Variants in POU2F2 observed in about 807,000 individuals in gnomAD.
POU2F2 encodes the protein POU domain, class 2, transcription factor 2.
POU2F2 carries 14 observed loss-of-function variants against 63.5 expected under a neutral mutation model. The ratio of observed to expected loss-of-function variants is 0.22; its 90% CI spans 0.15 to 0.34. The LOEUF is 0.34. POU2F2 is among the 10% of genes least tolerant of loss of function. POU2F2 has a pLI of 1.00. For missense variants in POU2F2, 607 were observed against 815.2 expected, an observed-to-expected ratio of 0.74 and a Z score of 3.11; for synonymous variants, 306 against 348.6, an observed-to-expected ratio of 0.88 and a Z score of 1.36.
intron 5 of POU2F2, chr19:42,116,768 T>A (rs1417466684): frequency 2.8e-5 from 10 of 356,270 alleles, no homozygotes; most frequent in South Asian, 2.0e-4. Context: ...GGGGGCTGGC[T>A]GGCAGGCTGT....
intron 14 of POU2F2, 98 bp from the exon 15 acceptor site, chr19:42,091,689 C>A: frequency 6.4e-7 from 1 of 1,551,360 alleles, no homozygotes. Context: ...ATCTCCCCAT[C>A]GGTCCCACTG....
chr19:42,164,967 AAGAC>A (rs2034622052), intron 1 of POU2F2, among the ~76,000 whole-genome samples: 1 of 152,088 alleles, frequency 6.6e-6, no homozygotes, highest in Non-Finnish European at 1.5e-5. Flanking sequence ...AAAAAAAAAA[AAGAC>A]AGATAGCAAA....
At chr19:42,100,177 C>T (rs961486653) in intron 5 of POU2F2, among the ~76,000 whole-genome samples, 3 of 143,558 alleles carry the variant, frequency 2.1e-5, no homozygotes, top group Non-Finnish European at 3.0e-5. Context: ...CTGAAATCTC[C>T]GCCTCCTGGG....
chr19:42,094,108 C>A (rs2076833956), intron 11 of POU2F2, among the ~76,000 whole-genome samples: 1 of 152,240 alleles, frequency 6.6e-6, no homozygotes, highest in Non-Finnish European at 1.5e-5. Flanking sequence ...AGAACACTCC[C>A]CACCTCTCTT....
In POU2F2 at chr19:42,122,504, C is replaced by T; in HGVS notation, c.94+7G>A. 2 of 1,611,180 alleles carry T rather than the reference C, an allele frequency of 1.2e-6. No homozygotes were observed. Among genetic ancestry groups the T allele is most frequent in the Non-Finnish European group, 1.7e-6 (2 of 1,178,314 alleles). On this transcript the variant is annotated splice_region_variant and intron_variant, in intron 2 of 14. Transcript: ENST00000692977. ...GACCCCTGCCCCCCTGCTCCCTGCC[C>T]ACCCACCTGTGTGCTCTGATGGGGA...
At chr19:42,179,102 G>A (rs928472061), upstream of POU2F2, among the ~76,000 whole-genome samples, 1 of 152,106 alleles carries the variant, frequency 6.6e-6, no homozygotes, top group African/African-American at 2.4e-5. Flanking sequence ...GCTGGGGATG[G>A]GGGGCAGAGA....
intron 1 of POU2F2, among the ~76,000 whole-genome samples, chr19:42,182,045 C>T (rs1333008802): frequency 2.0e-5 from 3 of 151,676 alleles, no homozygotes; most frequent in South Asian, 2.1e-4. Flanking sequence ...ATAAGGGAAA[C>T]GAAGGCACAC....
At chr19:42,186,840 G>A (rs531317693) in intron 1 of POU2F2, among the ~76,000 whole-genome samples, 46 of 152,092 alleles carry the variant, frequency 3.0e-4, no homozygotes, top group African/African-American at 9.9e-4. Flanking sequence ...TTGGATGCCC[G>A]GATGGATGGA....
intron 1 of POU2F2, among the ~76,000 whole-genome samples, chr19:42,194,589 C>T (rs191553215): frequency 1.0e-3 from 152 of 151,038 alleles, no homozygotes; most frequent in Non-Finnish European, 1.1e-3. Context: ...TGAAACCCCA[C>T]CTCTACTAAA....
rs568122664 is a variant in POU2F2, at chr19:42,087,936, C to T, written c.*3321G>A. ...ATGAGATAGTTTTGTTTCCCGGAGT[C>T]GAGACGGGGGACCAGAGTGTAAGGG... On this transcript the variant is annotated 3_prime_UTR_variant, in exon 15 of 15. Coordinates refer to ENST00000692977, the MANE Select transcript of POU2F2 (RefSeq NM_001394376.1). 6 of 152,254 alleles carry T rather than the reference C, an allele frequency of 3.9e-5. No individual in the cohort carries two copies. The highest frequency in any genetic ancestry group is 1.2e-4 in the African/African-American group (5 of 41,502). 9.4% of individuals were successfully genotyped at this position (152,254 alleles called of 1,614,324 possible).
chr19:42,183,928 T>G (rs1599728665), intron 1 of POU2F2, among the ~76,000 whole-genome samples: 1 of 151,384 alleles, frequency 6.6e-6, no homozygotes. Context: ...CGAAGTACCA[T>G]GTTGAATAAA....
chr19:42,098,424 A>C (rs996256850), intron 7 of POU2F2, among the ~76,000 whole-genome samples: 9 of 151,994 alleles, frequency 5.9e-5, no homozygotes, highest in South Asian at 2.1e-4. Flanking sequence ...AAAAAAAAAA[A>C]AAAAACAAAA....
rs561212017 is a variant in POU2F2 at position 42,091,085 on chromosome 19, G to C, written c.*172C>G. Reference sequence around the variant, plus strand: ...TTTTGGTTTTCTCTTTTGTTGGTTAGTTTCTTTCCTTTTTTTTTTTTTTTT... The same window carrying C: ...TTTTGGTTTTCTCTTTTGTTGGTTACTTTCTTTCCTTTTTTTTTTTTTTTT... On this transcript the variant is annotated 3_prime_UTR_variant, in exon 15 of 15. Coordinates refer to ENST00000692977, the MANE Select transcript of POU2F2 (RefSeq NM_001394376.1). 5.9e-5 allele frequency: 33 copies of C among 555,006 alleles called. No individual in the cohort carries two copies. Among genetic ancestry groups the C allele is most frequent in the Non-Finnish European group, 8.6e-5 (31 of 359,376 alleles). The allele number at this position is 555,006 out of a possible 1,614,324, so 34.4% of individuals were successfully genotyped here.
chr19:42,143,122 T>C (rs1057270944), intron 2 of POU2F2, among the ~76,000 whole-genome samples: 3 of 152,054 alleles, frequency 2.0e-5, no homozygotes, highest in Non-Finnish European at 4.4e-5. Flanking sequence ...TCTCAGCACT[T>C]TGGGAGACTG....
chr19:42,095,668 C>A lies in POU2F2; in HGVS notation c.897G>T (p.Leu299=), dbSNP rs767017068. The change falls in exon 10 of 15, where the codon CTG becomes CTT. Residue 299 remains leucine (L), a synonymous_variant. Coordinates refer to ENST00000692977, the MANE Select transcript of POU2F2 (RefSeq NM_001394376.1). The surrounding 1 kb of genome is among the most constrained non-coding windows in gnomAD (Gnocchi z 7.1). ...DAETMSVDSS[L]PSPNQLSSPS... is the part of the protein sequence containing the mutation. Reference sequence around the variant, plus strand: ...GGCTGCTCAGCTGGTTGGGGCTGGGCAGGCTTGAGTCCACAGACATAGTCT... The same window carrying A: ...GGCTGCTCAGCTGGTTGGGGCTGGGAAGGCTTGAGTCCACAGACATAGTCT... 98 of 1,612,076 alleles carry A rather than the reference C, an allele frequency of 6.1e-5. No individual in the cohort carries two copies. Among genetic ancestry groups the A allele is most frequent in the Non-Finnish European group, 8.1e-5 (95 of 1,179,816 alleles).
rs762777766 is a variant in POU2F2, at chr19:42,095,507, CCCT to C, written c.1020+35_1020+37del. The C allele has an allele frequency of 6.2e-7, 1 of 1,604,296 alleles. No homozygotes were observed. The highest frequency in any genetic ancestry group is 2.2e-5 in the East Asian group (1 of 44,690). ...TAGCCCGAGGCCCACCGCCCGCCAC[CCCT>C]CAGGTGAGGGCCACCCAGGAGAGGG... On this transcript the variant is annotated intron_variant, in intron 10 of 14. Coordinates refer to ENST00000692977, the MANE Select transcript of POU2F2 (RefSeq NM_001394376.1). This position sits in a 1 kb window ranked among gnomAD's most constrained non-coding sequence, Gnocchi z 7.1.
chr19:42,116,870 A>AGGCGGAGGC, intron 5 of POU2F2: 1 of 440,196 alleles, frequency 2.3e-6, no homozygotes, highest in Admixed American at 2.6e-5. Context: ...GTAGAGGAGG[A>AGGCGGAGGC]GGCGGAGGCG....
upstream of POU2F2, among the ~76,000 whole-genome samples, chr19:42,179,571 C>T (rs964151603): frequency 3.3e-5 from 5 of 152,002 alleles, no homozygotes; most frequent in African/African-American, 7.3e-5. Flanking sequence ...CGCAGGCACG[C>T]GCTGCGCGGT....
intron 2 of POU2F2, among the ~76,000 whole-genome samples, chr19:42,147,448 C>T (rs8106871): frequency 0.1 from 15,563 of 152,232 alleles, 940 homozygotes; most frequent in Middle Eastern, 0.2. Flanking sequence ...CTTATCAGTT[C>T]CTGATTTTGT....
Sources: gnomAD v4.1 joint callset for allele counts (sites outside exome capture counted in the v4.1 genomes callset) on GRCh38, gnomAD v4.1.1 for gene constraint, Gnocchi (gnomAD v3.1) non-coding constraint, MANE v1.5 for transcripts, NCBI Gene and HGNC (gene_info 2026-07-23, HGNC 2026-07-21) for gene names.